IQCJ: variants seen among roughly 807,000 people sequenced by gnomAD.
The protein encoded by IQCJ is IQ motif containing J.
In IQCJ, 9 loss-of-function variants were observed where a neutral mutation model predicts 11.0. The ratio of observed to expected loss-of-function variants is 0.82; its 90% confidence interval spans 0.49 to 1.43. The LOEUF is 1.43. IQCJ is among the 40% of genes most tolerant of loss of function. IQCJ has a pLI of 0.00. For missense variants in IQCJ, 146 were observed against 133.2 expected, an observed-to-expected ratio of 1.10 and a Z score of -0.47; for synonymous variants, 55 against 51.3, an observed-to-expected ratio of 1.07 and a Z score of -0.31.
intron 1 of IQCJ, among the ~76,000 whole-genome samples, chr3:159,190,826 G>A (rs1363427016): frequency 6.6e-6 from 1 of 152,210 alleles, no homozygotes; most frequent in Non-Finnish European, 1.5e-5. Context: ...AATGTCAGGA[G>A]TAAAAGATAT....
chr3:159,142,457 C>T (rs1720666854), intron 1 of IQCJ, among the ~76,000 whole-genome samples: 2 of 151,950 alleles, frequency 1.3e-5, no homozygotes, highest in Admixed American at 1.3e-4. Flanking sequence ...CACGCTGTCA[C>T]CCAGGCTGGA....
At chr3:159,189,921 G>A (rs945106506) in intron 1 of IQCJ, among the ~76,000 whole-genome samples, 74 of 152,176 alleles carry the variant, frequency 4.9e-4, no homozygotes, top group African/African-American at 1.7e-3. Flanking sequence ...TTATGCTAGG[G>A]TTCTTCAAAA....
At chr3:159,222,003 G>T (rs914718844) in intron 1 of IQCJ, among the ~76,000 whole-genome samples, 1 of 152,058 alleles carries the variant, frequency 6.6e-6, no homozygotes, top group Non-Finnish European at 1.5e-5. Flanking sequence ...TGAAAAACAT[G>T]CAAGGAAGAT....
intron 1 of IQCJ, among the ~76,000 whole-genome samples, chr3:159,124,182 ACTT>A (rs1225198783): frequency 1.3e-5 from 2 of 151,888 alleles, no homozygotes; most frequent in East Asian, 1.9e-4. Flanking sequence ...GACTCCTTCC[ACTT>A]CTTCTTTCTT....
At chr3:159,160,736 T>C (rs9840199) in intron 1 of IQCJ, among the ~76,000 whole-genome samples, 4,112 of 138,998 alleles carry the variant, frequency 0.03, 196 homozygotes, top group African/African-American at 0.1. Flanking sequence ...CCTGTGTCCA[T>C]GTGTTCTCAT....
chr3:159,079,945 C>T (rs1032047337), intron 1 of IQCJ, among the ~76,000 whole-genome samples: 1 of 151,916 alleles, frequency 6.6e-6, no homozygotes, highest in African/African-American at 2.4e-5. Flanking sequence ...GTCAAATTGT[C>T]TTCCAGTTAA....
At chr3:159,150,410 T>G (rs561937687) in intron 1 of IQCJ, among the ~76,000 whole-genome samples, 3 of 152,270 alleles carry the variant, frequency 2.0e-5, no homozygotes, top group African/African-American at 7.2e-5. Flanking sequence ...GGCTGAGGGC[T>G]GCTCCTGGAA....
chr3:159,145,824 G>A (rs1366036853), intron 1 of IQCJ, among the ~76,000 whole-genome samples: 1 of 152,142 alleles, frequency 6.6e-6, no homozygotes, highest in Non-Finnish European at 1.5e-5. Context: ...AAACATATAG[G>A]TCAAAGTGAG....
intron 1 of IQCJ, chr3:159,069,699 A>G (rs1715415210): frequency 1.7e-6 from 1 of 584,126 alleles, no homozygotes; most frequent in African/African-American, 1.9e-5. Context: ...AATCTCATTG[A>G]AAGCAACACT....
At chr3:159,203,922 G>A (rs992345831) in intron 1 of IQCJ, among the ~76,000 whole-genome samples, 1 of 152,122 alleles carries the variant, frequency 6.6e-6, no homozygotes, top group Non-Finnish European at 1.5e-5. Context: ...TAAGAGGGCA[G>A]GTTCCTCAAG....
chr3:159,233,934 C>G (rs1726422891), intron 1 of IQCJ, among the ~76,000 whole-genome samples: 1 of 152,168 alleles, frequency 6.6e-6, no homozygotes, highest in African/African-American at 2.4e-5. Flanking sequence ...TAAGATCAGA[C>G]AGTAATTAGA....
At chr3:159,171,115 A>T (rs9968056) in intron 1 of IQCJ, among the ~76,000 whole-genome samples, 1 of 151,820 alleles carries the variant, frequency 6.6e-6, no homozygotes, top group African/African-American at 2.4e-5. Flanking sequence ...AGGTAAACAA[A>T]TATGGCCAGT....
intron 1 of IQCJ, among the ~76,000 whole-genome samples, chr3:159,221,587 A>T (rs924247917): frequency 6.6e-6 from 1 of 152,172 alleles, no homozygotes; most frequent in Non-Finnish European, 1.5e-5. Flanking sequence ...TCTGCTCAGC[A>T]TCTCAGAGAC....
chr3:159,077,148 T>G (rs1424212926), intron 1 of IQCJ, among the ~76,000 whole-genome samples: 1 of 152,134 alleles, frequency 6.6e-6, no homozygotes, highest in African/African-American at 2.4e-5. Flanking sequence ...TTTAATCCAG[T>G]GTCTGCTGAA....
intron 1 of IQCJ, among the ~76,000 whole-genome samples, chr3:159,137,378 G>A (rs572806477): frequency 6.6e-6 from 1 of 152,042 alleles, no homozygotes; most frequent in Admixed American, 6.5e-5. Flanking sequence ...ACACTTCTTT[G>A]AGTGAAGGTT....
At chr3:159,138,508 C>T (rs752100933) in intron 1 of IQCJ, among the ~76,000 whole-genome samples, 1 of 152,194 alleles carries the variant, frequency 6.6e-6, no homozygotes, top group Non-Finnish European at 1.5e-5. Context: ...GCTTTAAAAA[C>T]ATTTATTTCA....
At chr3:159,240,168 G>T (rs1348323449) in intron 1 of IQCJ, among the ~76,000 whole-genome samples, 1 of 152,124 alleles carries the variant, frequency 6.6e-6, no homozygotes, top group Non-Finnish European at 1.5e-5. Context: ...TAAAGAGTAA[G>T]TTTTACCCTA....
chr3:159,229,071 A>G (rs1577096290), intron 1 of IQCJ, among the ~76,000 whole-genome samples: 1 of 152,188 alleles, frequency 6.6e-6, no homozygotes, highest in Admixed American at 6.5e-5. Flanking sequence ...AGATTTGGCC[A>G]CAGTCTTTTG....
intron 1 of IQCJ, among the ~76,000 whole-genome samples, chr3:159,220,425 C>T (rs1725470535): frequency 6.6e-6 from 1 of 152,068 alleles, no homozygotes; most frequent in Non-Finnish European, 1.5e-5. Context: ...AATGTGGGCA[C>T]TGAGGAAGGG....
Sources: allele counts gnomAD v4.1 joint callset (sites outside exome capture counted in the v4.1 genomes callset), GRCh38; gene constraint gnomAD v4.1.1; transcripts MANE v1.5; gene names NCBI Gene and HGNC (gene_info 2026-07-23, HGNC 2026-07-21).